Variants in PTGER3 observed in about 807,000 individuals in gnomAD.
PTGER3 encodes prostaglandin E receptor 3, also known as prostaglandin E2 receptor EP3 subtype.
A neutral mutation model predicts 34.7 loss-of-function variants in PTGER3; 22 were observed. The observed-to-expected ratio is 0.63, with a 90% CI of 0.45 to 0.91. The LOEUF (loss-of-function observed/expected upper bound fraction) is 0.91, where lower values mean the gene tolerates loss of function less well. PTGER3 is among the 40% of genes least tolerant of loss of function. PTGER3 has a pLI of 0.00. For synonymous variants in PTGER3, 241 were observed against 230.1 expected (o/e 1.05, Z -0.43); for missense variants, 468 against 519.4 (o/e 0.90, Z 0.96).
At chr1:70,998,944 G>A (rs1022810240) in intron 2 of PTGER3, among the ~76,000 whole-genome samples, 1 of 152,156 alleles carries the variant, frequency 6.6e-6, no homozygotes, top group Non-Finnish European at 1.5e-5. Context: ...CACTTCAGGA[G>A]GCCGAGGAGG....
At chr1:70,943,268 T>C (rs1649919388) in intron 4 of PTGER3, among the ~76,000 whole-genome samples, 1 of 152,178 alleles carries the variant, frequency 6.6e-6, no homozygotes, top group African/African-American at 2.4e-5. Flanking sequence ...AACTTGCAAC[T>C]TACCAGCAAG....
chr1:70,981,384 T>TTCCTTCC (rs1654330123), intron 2 of PTGER3, among the ~76,000 whole-genome samples: 2 of 48,232 alleles, frequency 4.1e-5, no homozygotes, highest in African/African-American at 2.0e-4. Context: ...TCTTTCTTTC[T>TTCCTTCC]TTCTTTCTTT....
At chr1:70,859,348 A>C (rs1338680030) in intron 4 of PTGER3, among the ~76,000 whole-genome samples, 1 of 152,252 alleles carries the variant, frequency 6.6e-6, no homozygotes, top group African/African-American at 2.4e-5. Flanking sequence ...CTATTTAATC[A>C]GCATTTTCCA....
intron 4 of PTGER3, among the ~76,000 whole-genome samples, chr1:70,928,729 C>A (rs768599281): frequency 2.6e-5 from 4 of 152,132 alleles, no homozygotes; most frequent in Non-Finnish European, 5.9e-5. Flanking sequence ...TATTTTTCTT[C>A]AAATGCTCTG....
chr1:70,881,278 A>G (rs1406892060), intron 4 of PTGER3, among the ~76,000 whole-genome samples: 7 of 152,166 alleles, frequency 4.6e-5, no homozygotes, highest in Non-Finnish European at 5.9e-5. Context: ...ATTCTTTCTT[A>G]AAATGGCCAT....
At chr1:70,919,712 A>G (rs1019692670) in intron 4 of PTGER3, among the ~76,000 whole-genome samples, 1 of 152,122 alleles carries the variant, frequency 6.6e-6, no homozygotes, top group Non-Finnish European at 1.5e-5. Context: ...ATAAAAGAGG[A>G]TTAATATAAG....
At chr1:71,017,756 C>A (rs1056053306) in intron 1 of PTGER3, among the ~76,000 whole-genome samples, 5 of 152,116 alleles carry the variant, frequency 3.3e-5, no homozygotes, top group African/African-American at 1.2e-4. Flanking sequence ...AGCCATGCTT[C>A]CTGTACAGCC....
chr1:70,990,226 G>A (rs1262495438), intron 2 of PTGER3, among the ~76,000 whole-genome samples: 15 of 151,026 alleles, frequency 9.9e-5, no homozygotes, highest in East Asian at 2.0e-4. Context: ...GCGTGGTGGC[G>A]GGCACCTGTA....
At chr1:70,947,301 G>A (rs1414059173) in intron 4 of PTGER3, 2 of 152,098 alleles carry the variant, frequency 1.3e-5, no homozygotes, top group Admixed American at 6.6e-5. Context: ...AATGAATCAT[G>A]GGGGCCGGTC....
chr1:70,891,567 A>G (rs549294164), intron 4 of PTGER3, among the ~76,000 whole-genome samples: 1 of 152,230 alleles, frequency 6.6e-6, no homozygotes, highest in Non-Finnish European at 1.5e-5. Flanking sequence ...ATAGGAGGAC[A>G]TCAAATGATC....
intron 4 of PTGER3, among the ~76,000 whole-genome samples, chr1:70,895,747 G>C (rs1224113199): frequency 6.6e-6 from 1 of 152,208 alleles, no homozygotes; most frequent in Non-Finnish European, 1.5e-5. Flanking sequence ...GAAGTGTGAT[G>C]TTAAGGTAAC....
chr1:70,992,553 C>T (rs921878908), intron 2 of PTGER3, among the ~76,000 whole-genome samples: 1 of 152,176 alleles, frequency 6.6e-6, no homozygotes. Context: ...ATGATCTCTA[C>T]TGTTTCTTTC....
chr1:71,010,440 T>C, intron 2 of PTGER3: 1 of 984,216 alleles, frequency 1.0e-6, no homozygotes, highest in Non-Finnish European at 1.2e-6. Context: ...TAAATATGTA[T>C]TAGACAGTTT....
intron 2 of PTGER3, chr1:71,012,086 A>G: frequency 4.0e-6 from 6 of 1,493,040 alleles, no homozygotes; most frequent in Non-Finnish European, 5.3e-6. Flanking sequence ...TTCTAAGACC[A>G]TTTAGCTTTA....
intron 4 of PTGER3, among the ~76,000 whole-genome samples, chr1:70,910,881 G>A (rs908670399): frequency 6.6e-6 from 1 of 152,026 alleles, no homozygotes; most frequent in Non-Finnish European, 1.5e-5. Flanking sequence ...AGGAATTTGA[G>A]ACCAGCCTGA....
chr1:70,960,459 G>C (rs1424211574), intron 2 of PTGER3, among the ~76,000 whole-genome samples: 1 of 151,784 alleles, frequency 6.6e-6, no homozygotes, highest in Admixed American at 6.6e-5. Context: ...CTTCCAAAAG[G>C]TGAAAAAAAA....
At chr1:70,915,148 A>G (rs1647146340) in intron 4 of PTGER3, among the ~76,000 whole-genome samples, 1 of 151,932 alleles carries the variant, frequency 6.6e-6, no homozygotes, top group Non-Finnish European at 1.5e-5. Flanking sequence ...CTGCTTTATT[A>G]GAAAAAAATC....
chr1:70,953,923 A>G (rs2100595601), intron 2 of PTGER3: 1 of 478,490 alleles, frequency 2.1e-6, no homozygotes, highest in East Asian at 3.6e-5. Context: ...GACTAAAAGT[A>G]TAGCAAAAGA....
chr1:70,944,173 C>G (rs1230537346), intron 4 of PTGER3, among the ~76,000 whole-genome samples: 2 of 152,068 alleles, frequency 1.3e-5, no homozygotes, highest in Non-Finnish European at 2.9e-5. Flanking sequence ...CCACTTTCCT[C>G]TATTCTAGTC....
Sources: allele counts gnomAD v4.1 joint callset (sites outside exome capture counted in the v4.1 genomes callset), GRCh38; gene constraint gnomAD v4.1.1; transcripts MANE v1.5; gene names NCBI Gene and HGNC (gene_info 2026-07-23, HGNC 2026-07-21).